GRIK2: variants seen among roughly 807,000 people sequenced by gnomAD.
GRIK2 encodes the protein glutamate receptor ionotropic, kainate 2.
GRIK2 carries 32 observed loss-of-function variants against 100.3 expected under a neutral mutation model. The observed-to-expected ratio is 0.32, with a 90% CI of 0.24 to 0.43. The LOEUF (loss-of-function observed/expected upper bound fraction) is 0.43. Ranked by LOEUF, GRIK2 falls within the 20% of genes least tolerant of loss-of-function variation. GRIK2 has a pLI of 1.00. For missense variants in GRIK2, 843 were observed against 1,114.9 expected, an observed-to-expected ratio of 0.76 and a Z score of 3.47; for synonymous variants, 417 against 389.4, an observed-to-expected ratio of 1.07 and a Z score of -0.83.
At chr6:101,962,570 T>C (rs1792371209) in intron 14 of GRIK2, among the ~76,000 whole-genome samples, 1 of 152,180 alleles carries the variant, frequency 6.6e-6, no homozygotes, top group African/African-American at 2.4e-5. Context: ...GTTCAAGTCT[T>C]CTATTTCCTA....
chr6:101,953,373 GC>G (rs1412111901), intron 14 of GRIK2, among the ~76,000 whole-genome samples: 1 of 152,092 alleles, frequency 6.6e-6, no homozygotes, highest in Non-Finnish European at 1.5e-5. Context: ...ATTTTACATT[GC>G]CTTTAGCAGT....
chr6:101,960,583 C>A (rs1465299003), intron 14 of GRIK2, among the ~76,000 whole-genome samples: 1 of 152,048 alleles, frequency 6.6e-6, no homozygotes, highest in African/African-American at 2.4e-5. Context: ...TTTCAGGGGC[C>A]AAGCCTCTGT....
At chr6:101,909,713 TAAG>T (rs1562481308) in intron 12 of GRIK2, among the ~76,000 whole-genome samples, 2 of 151,012 alleles carry the variant, frequency 1.3e-5, no homozygotes, top group African/African-American at 4.8e-5. Context: ...TGTATGTGTG[TAAG>T]TGTGTTTCTG....
chr6:101,867,222 TACA>T (rs1489247423), intron 11 of GRIK2, among the ~76,000 whole-genome samples: 8 of 151,934 alleles, frequency 5.3e-5, no homozygotes, highest in African/African-American at 1.9e-4. Context: ...CAAATTCTGC[TACA>T]ACATGTATGC....
chr6:101,413,393 C>T (rs1775971890), intron 2 of GRIK2, among the ~76,000 whole-genome samples: 1 of 152,050 alleles, frequency 6.6e-6, no homozygotes, highest in African/African-American at 2.4e-5. Context: ...CCTATTAACT[C>T]TTTCAATTTC....
At chr6:101,503,256 C>T (rs1424061383) in intron 2 of GRIK2, among the ~76,000 whole-genome samples, 1 of 151,906 alleles carries the variant, frequency 6.6e-6, no homozygotes, top group East Asian at 1.9e-4. Context: ...ATAACAGTTA[C>T]AATGGAGTTG....
In GRIK2 at chr6:101,530,968, A is replaced by G. The variant is rs369477597; in HGVS notation, c.116-90981A>G. Among the ~76,000 whole-genome samples, 20 of 152,158 alleles carry G rather than the reference A, an allele frequency of 1.3e-4. No homozygotes were observed. In the East Asian group the frequency reaches 3.1e-3, roughly 24 times the overall value. ...TAAAGCAATTTCAAAAGAGCTACACATTAGTGATAAAGGTTCAGAGAATCG... is the reference window on the plus strand; with the variant it reads ...TAAAGCAATTTCAAAAGAGCTACACGTTAGTGATAAAGGTTCAGAGAATCG... On this transcript the variant is annotated intron_variant, in intron 2 of 16. Transcript: ENST00000369134.
At chr6:101,686,555 A>G (rs1282209485) in intron 7 of GRIK2, among the ~76,000 whole-genome samples, 2 of 152,178 alleles carry the variant, frequency 1.3e-5, no homozygotes, top group Non-Finnish European at 2.9e-5. Flanking sequence ...CTTCCATCCA[A>G]GTATCTCAAA....
chr6:102,045,005 TC>T (rs1457461405), intron 15 of GRIK2, among the ~76,000 whole-genome samples: 3 of 152,050 alleles, frequency 2.0e-5, no homozygotes, highest in Non-Finnish European at 4.4e-5. Context: ...AGTATCTTTT[TC>T]TCCATTAAGA....
chr6:101,634,453 A>G (rs1317132246), intron 4 of GRIK2, among the ~76,000 whole-genome samples: 1 of 152,156 alleles, frequency 6.6e-6, no homozygotes, highest in East Asian at 1.9e-4. Flanking sequence ...GCTATCATTC[A>G]GTGGTATTGT....
chr6:101,823,864 T>TTC (rs1159262784), intron 10 of GRIK2, among the ~76,000 whole-genome samples: 4 of 146,426 alleles, frequency 2.7e-5, no homozygotes, highest in Non-Finnish European at 4.5e-5. Context: ...TAAGTTCTGT[T>TTC]TTTTTTTTTT....
At position 101,468,041 on chromosome 6, in the gene GRIK2, G is replaced by T. The variant is rs191946436; in HGVS notation, c.115+68649G>T. ...CAACAGACCTATCCATCATTAAGGA[G>T]ATCCCAGAAAGTAGGAGCTATGGAA... On this transcript the variant is annotated intron_variant, in intron 2 of 16. Transcript: ENST00000369134. Among the ~76,000 whole-genome samples the T allele has an allele frequency of 3.9e-5, 6 of 152,148 alleles. No homozygotes were observed. In the East Asian group the frequency reaches 7.8e-4, roughly 20 times the overall value.
At chr6:101,727,550 C>A (rs148995429) in intron 7 of GRIK2, among the ~76,000 whole-genome samples, 201 of 152,206 alleles carry the variant, frequency 1.3e-3, no homozygotes, top group African/African-American at 3.7e-3. Context: ...ACATGATAGG[C>A]ATATCACTTG....
intron 4 of GRIK2, among the ~76,000 whole-genome samples, chr6:101,642,017 A>G (rs73508676): frequency 1.3e-4 from 20 of 152,020 alleles, no homozygotes; most frequent in African/African-American, 4.1e-4. Context: ...GCTATTTAGG[A>G]GAATAGAATT....
chr6:101,790,191 C>G (rs908350343), intron 7 of GRIK2, among the ~76,000 whole-genome samples: 3 of 151,992 alleles, frequency 2.0e-5, no homozygotes, highest in African/African-American at 7.3e-5. Context: ...AATTGAATAC[C>G]CTTTATTTCC....
intron 4 of GRIK2, among the ~76,000 whole-genome samples, chr6:101,663,349 G>A (rs2128334898): frequency 6.6e-6 from 1 of 152,156 alleles, no homozygotes; most frequent in East Asian, 2.0e-4. Context: ...CAAGCTGAGA[G>A]GGCAGTGAGA....
At chr6:101,667,099 G>T (rs1388597000) in intron 4 of GRIK2, among the ~76,000 whole-genome samples, 1 of 152,026 alleles carries the variant, frequency 6.6e-6, no homozygotes, top group Non-Finnish European at 1.5e-5. Flanking sequence ...TGCCTGCCAC[G>T]GGCTGCCATG....
chr6:101,924,407 A>C (rs890399947), intron 12 of GRIK2, among the ~76,000 whole-genome samples, 194 bp from the exon 13 acceptor site: 8 of 152,176 alleles, frequency 5.3e-5, no homozygotes, highest in African/African-American at 1.9e-4. Context: ...CTTACTGTGG[A>C]AATTAGCTGA....
chr6:101,566,270 T>C (rs1302368009), intron 2 of GRIK2, among the ~76,000 whole-genome samples: 1 of 151,924 alleles, frequency 6.6e-6, no homozygotes, highest in African/African-American at 2.4e-5. Flanking sequence ...TATGAAAACA[T>C]GTAGTGTATA....
Sources: gnomAD v4.1 joint callset for allele counts (sites outside exome capture counted in the v4.1 genomes callset) on GRCh38, gnomAD v4.1.1 for gene constraint, MANE v1.5 for transcripts, NCBI Gene and HGNC (gene_info 2026-07-23, HGNC 2026-07-21) for gene names.